ZBED6: variants seen among roughly 807,000 people sequenced by gnomAD.
ZBED6 encodes the protein zinc finger BED-type containing 6.
Under a neutral mutation model 58.4 loss-of-function variants are expected in ZBED6, and 40 were observed. The ratio of observed to expected loss-of-function variants is 0.68; its 90% CI spans 0.53 to 0.89. The LOEUF (loss-of-function observed/expected upper bound fraction) is 0.89, where lower values mean the gene tolerates loss of function less well. ZBED6 is among the 40% of genes least tolerant of loss of function. The probability of loss-of-function intolerance (pLI) is 0.00; values close to 1 mark genes in which losing one functional copy is unlikely to be tolerated. For synonymous variants in ZBED6, 439 were observed against 350.6 expected, an observed-to-expected ratio of 1.25 and a Z score of -2.82; for missense variants, 1,057 against 1,003.9, an observed-to-expected ratio of 1.05 and a Z score of -0.71.
chr1:203,836,142 G>T (rs1319019280), intron 9 of ZBED6, among the ~76,000 whole-genome samples: 1 of 152,122 alleles, frequency 6.6e-6, no homozygotes, highest in African/African-American at 2.4e-5. Flanking sequence ...CAGCTGCGTG[G>T]GCAGCTGAGG....
intron 1 of ZBED6, among the ~76,000 whole-genome samples, chr1:203,813,137 CT>C (rs2102687004): frequency 6.6e-6 from 1 of 152,008 alleles, no homozygotes; most frequent in South Asian, 2.1e-4. Flanking sequence ...TCTTAAGCTT[CT>C]TAACAGAGCT....
intron 1 of ZBED6, among the ~76,000 whole-genome samples, chr1:203,806,830 C>CTTTTTTTTT (rs373591619): frequency 1.7e-5 from 2 of 117,858 alleles, no homozygotes; most frequent in Admixed American, 8.7e-5. Context: ...CCTCAGGTTC[C>CTTTTTTTTT]TTTTTTTTTT....
At chr1:203,838,471 A>G (rs1211906056) in intron 10 of ZBED6, among the ~76,000 whole-genome samples, 1 of 152,248 alleles carries the variant, frequency 6.6e-6, no homozygotes, top group South Asian at 2.1e-4. Context: ...TTCGAGAGCC[A>G]GAGACTGTGT....
chr1:203,800,314 T>C (rs754273648), exon 1 of ZBED6: 9 of 893,456 alleles, frequency 1.0e-5, no homozygotes, highest in African/African-American at 1.6e-5. Flanking sequence ...AAACAGATCA[T>C]GAGCCTGGAC....
chr1:203,802,484 TA>T (rs1670821630), exon 1 of ZBED6: 1 of 152,530 alleles, frequency 6.6e-6, no homozygotes, highest in Non-Finnish European at 1.5e-5. Flanking sequence ...ATTATATACA[TA>T]AAACACTATA....
intron 3 of ZBED6, 29 bp downstream of exon 3, chr1:203,818,718 A>G: frequency 1.2e-6 from 2 of 1,613,740 alleles, no homozygotes; most frequent in Non-Finnish European, 1.7e-6. Flanking sequence ...TTATCATAAT[A>G]AGTAGTCTGG....
At chr1:203,844,939 T>A (rs1022370754) in intron 11 of ZBED6, among the ~76,000 whole-genome samples, 1 of 152,094 alleles carries the variant, frequency 6.6e-6, no homozygotes, top group Non-Finnish European at 1.5e-5. Flanking sequence ...CAAACTTGCC[T>A]CTTTTTAGGG....
chr1:203,831,631 A>C (rs1003198386), intron 7 of ZBED6, 30 bp from the exon 8 acceptor site: 1 of 1,580,076 alleles, frequency 6.3e-7, no homozygotes, highest in Middle Eastern at 2.0e-4. Flanking sequence ...TCCATAAATT[A>C]TTTGCTGTTC....
At chr1:203,797,480 C>T in exon 1 of ZBED6, 46 of 1,447,268 alleles carry the variant, frequency 3.2e-5, no homozygotes, top group Non-Finnish European at 4.0e-5. Flanking sequence ...GAGTAATAAA[C>T]CCACTAACAG....
At chr1:203,833,796 G>C (rs1298993328) in exon 9 of ZBED6, 5 of 1,605,974 alleles carry the variant, frequency 3.1e-6, no homozygotes, top group East Asian at 4.5e-5. Flanking sequence ...TTCAGGAGAA[G>C]AACCCTTGGT....
intron 1 of ZBED6, among the ~76,000 whole-genome samples, chr1:203,813,024 G>A (rs887112284): frequency 6.6e-6 from 1 of 151,952 alleles, no homozygotes; most frequent in Non-Finnish European, 1.5e-5. Flanking sequence ...TTGGGGAGTT[G>A]TTTTCTTATT....
exon 17 of ZBED6, chr1:203,853,287 G>A (rs4019814): frequency 6.6e-6 from 1 of 152,606 alleles, no homozygotes; most frequent in African/African-American, 2.4e-5. Context: ...CCCAGTATTT[G>A]TTTGGTGGCC....
At chr1:203,848,341 AGAG>A in exon 13 of ZBED6, 1 of 1,612,796 alleles carries the variant, frequency 6.2e-7, no homozygotes, top group Non-Finnish European at 8.5e-7. Flanking sequence ...GGATGAAAGA[AGAG>A]AAGAACCTTC....
intron 11 of ZBED6, among the ~76,000 whole-genome samples, chr1:203,845,308 T>TGA (rs1178133676): frequency 9.2e-5 from 14 of 152,330 alleles, no homozygotes; most frequent in Non-Finnish European, 1.6e-4. Context: ...TATGTCACCA[T>TGA]TCATGTTGTA....
At chr1:203,802,451 A>G (rs565889473) in exon 1 of ZBED6, 5 of 152,616 alleles carry the variant, frequency 3.3e-5, no homozygotes, top group Admixed American at 3.3e-4. Flanking sequence ...TGTATAAGCC[A>G]GTTAGTATAT....
chr1:203,839,625 C>G (rs12760495), intron 10 of ZBED6, among the ~76,000 whole-genome samples: 15,772 of 152,118 alleles, frequency 0.1, 1,107 homozygotes, highest in Non-Finnish European at 0.15. Context: ...TTGTTTTCCT[C>G]CTTGTGTATT....
intron 3 of ZBED6, among the ~76,000 whole-genome samples, chr1:203,818,942 G>A (rs1677271439): frequency 6.6e-6 from 1 of 151,588 alleles, no homozygotes; most frequent in Non-Finnish European, 1.5e-5. Context: ...GGTGGCATGT[G>A]CCTGTAATTC....
In ZBED6 at chr1:203,830,925, ATTTTTTTTTTTTTTTTTTTTTTT is replaced by A. The variant is rs774771270; in HGVS notation, c.*3400-720_*3400-698del. Among the ~76,000 whole-genome samples the A allele has an allele frequency of 2.5e-3, 130 of 51,396 alleles. 3 individuals are homozygous for A. In the East Asian group the frequency reaches 0.07, roughly 27 times the overall value. The allele number at this position is 51,396 out of a possible 152,430, so 33.7% of individuals were successfully genotyped here. A position where few individuals can be genotyped will look rare whatever the true frequency, so the allele number is the denominator to read the frequency against. ...GATTGCTCTGTATTTCCAACCCCCAATTTTTTTTTTTTTTTTTTTTTTTTTTTTTTTTTTTTTTGAGACAGAGT... is the reference window on the plus strand; with the variant it reads ...GATTGCTCTGTATTTCCAACCCCCAATTTTTTTTTTTTTTTGAGACAGAGT... On this transcript the variant is annotated intron_variant, in intron 7 of 16. Transcript: ENST00000550078.
exon 1 of ZBED6, chr1:203,796,243 A>G (rs529592692): frequency 1.5e-4 from 59 of 394,604 alleles, no homozygotes; most frequent in African/African-American, 9.7e-4. Context: ...GCCTAAATCA[A>G]TCAGACTGAG....
Sources: allele counts gnomAD v4.1 joint callset (sites outside exome capture counted in the v4.1 genomes callset), GRCh38; gene constraint gnomAD v4.1.1; transcripts MANE v1.5; gene names NCBI Gene and HGNC (gene_info 2026-07-23, HGNC 2026-07-21).